KDM7A: variants seen among roughly 807,000 people sequenced by gnomAD.
KDM7A encodes lysine-specific demethylase 7A.
A neutral mutation model predicts 114.8 loss-of-function variants in KDM7A; 28 were observed. The observed-to-expected ratio is 0.24, with a 90% confidence interval of 0.18 to 0.33. The LOEUF (loss-of-function observed/expected upper bound fraction) is 0.33, where lower values mean the gene tolerates loss of function less well. Among genes scored for constraint, KDM7A ranks in the 10% least tolerant of loss-of-function variants. The pLI is 1.00. For missense variants in KDM7A, 942 were observed against 1,142.5 expected, an observed-to-expected ratio of 0.82 and a Z score of 2.53; for synonymous variants, 423 against 397.8, an observed-to-expected ratio of 1.06 and a Z score of -0.75.
rs1431030819 is a variant in KDM7A, at chr7:140,102,058, T to A, written c.1531A>T (p.Met511Leu). 2 of 1,613,728 alleles carry A rather than the reference T, an allele frequency of 1.2e-6. No individual in the cohort carries two copies. The highest frequency in any genetic ancestry group is 2.7e-5 in the African/African-American group (2 of 74,920). ...ACATTATGATCTCGAAGTTTCCTCA[T>A]CTTTCTTCGGGAATGGTATGGGGAA... ...ATSPYHSRRKMRKLRDHNVRT... is the reference protein window; with the variant it reads ...ATSPYHSRRKLRKLRDHNVRT... Residue 511 changes from methionine (M) to leucine (L), a missense_variant, in exon 12 of 20, where the codon ATG becomes TTG. Transcript: ENST00000397560.
chr7:140,102,549 A>G (rs1462858195), intron 11 of KDM7A, among the ~76,000 whole-genome samples: 1 of 152,074 alleles, frequency 6.6e-6, no homozygotes, highest in East Asian at 1.9e-4. Context: ...CACCCAGCTA[A>G]TGTTTTAGAG....
At chr7:140,101,822 G>A in intron 12 of KDM7A, 129 bp downstream of exon 12, 1 of 669,052 alleles carries the variant, frequency 1.5e-6, no homozygotes, top group East Asian at 2.6e-5. Context: ...CATAACTACT[G>A]GTTGATCCCT....
intron 1 of KDM7A, among the ~76,000 whole-genome samples, chr7:140,157,859 C>T (rs1173982484): frequency 1.3e-5 from 2 of 151,424 alleles, no homozygotes; most frequent in Non-Finnish European, 2.9e-5. Context: ...ATCCCAGCTA[C>T]TCGAGAGGCC....
rs1794478113 is a variant in KDM7A, at chr7:140,157,999, A to AAAT, written c.194+18744_194+18745insATT. ...ATAAATAAATAAATAAATAAATAATAATAATAATAATAATAATAATTGAAA... is the reference window on the plus strand; with the variant it reads ...ATAAATAAATAAATAAATAAATAATAAATATAATAATAATAATAATAATTGAAA... On this transcript the variant is annotated intron_variant, in intron 1 of 19. Coordinates refer to ENST00000397560, the MANE Select transcript of KDM7A (RefSeq NM_030647.2). 3.1e-5 allele frequency among the ~76,000 whole-genome samples: 4 copies of AAAT among 130,062 alleles called. No individual in the cohort carries two copies. The South Asian group carries it at 9.4e-4, about 30-fold the overall frequency. 85.3% of individuals were successfully genotyped at this position (130,062 alleles called of 152,430 possible). A position where few individuals can be genotyped will look rare whatever the true frequency, so the allele number is the denominator to read the frequency against.
intron 1 of KDM7A, among the ~76,000 whole-genome samples, chr7:140,172,435 C>T (rs1161834156): frequency 1.3e-5 from 2 of 152,052 alleles, no homozygotes; most frequent in African/African-American, 2.4e-5. Context: ...GGGTGGATCA[C>T]GAGGTCAGGA....
chr7:140,121,497 C>G (rs1307828102), intron 7 of KDM7A, among the ~76,000 whole-genome samples: 2 of 152,190 alleles, frequency 1.3e-5, no homozygotes, highest in African/African-American at 4.8e-5. Context: ...GACCTTGAAA[C>G]CACAAATTAG....
At chr7:140,097,196 A>G (rs1005279071) in intron 15 of KDM7A, 149 bp from the exon 16 acceptor site, 37 of 644,588 alleles carry the variant, frequency 5.7e-5, no homozygotes, top group Admixed American at 4.8e-4. Flanking sequence ...AAAAATGATA[A>G]TCTCTATTAA....
intron 7 of KDM7A, among the ~76,000 whole-genome samples, chr7:140,122,582 C>T (rs1818632802): frequency 6.6e-6 from 1 of 152,196 alleles, no homozygotes; most frequent in East Asian, 1.9e-4. Flanking sequence ...TCAGCAGGAC[C>T]TGCAGGGACA....
intron 1 of KDM7A, among the ~76,000 whole-genome samples, chr7:140,153,611 C>A (rs931795502): frequency 4.6e-5 from 7 of 152,088 alleles, no homozygotes; most frequent in Non-Finnish European, 8.8e-5. Flanking sequence ...ATTAAGAACT[C>A]TCTTACTGTT....
chr7:140,133,683 A>T (rs773578909), intron 2 of KDM7A, 27 bp from the exon 3 acceptor site: 34 of 1,320,826 alleles, frequency 2.6e-5, no homozygotes, highest in Non-Finnish European at 3.4e-5. Context: ...TTAAAAAAAA[A>T]TGATTTTGGT....
intron 1 of KDM7A, among the ~76,000 whole-genome samples, chr7:140,157,822 A>C (rs1331763347): frequency 6.6e-6 from 1 of 151,318 alleles, no homozygotes; most frequent in Non-Finnish European, 1.5e-5. Flanking sequence ...AAAAAAAATT[A>C]GTCAGGTGTG....
chr7:140,140,829 G>A (rs980443820), intron 1 of KDM7A, among the ~76,000 whole-genome samples: 6 of 151,540 alleles, frequency 4.0e-5, no homozygotes, highest in South Asian at 4.2e-4. Context: ...CTGGAGGATC[G>A]AACTGGTACA....
At chr7:140,117,684 A>G (rs1020147356) in intron 9 of KDM7A, among the ~76,000 whole-genome samples, 11 of 152,238 alleles carry the variant, frequency 7.2e-5, no homozygotes, top group Non-Finnish European at 1.6e-4. Context: ...CTGTCTGTCT[A>G]GGCTTGTACT....
Position 140,092,592 on chromosome 7 carries a change from T to C in KDM7A, c.2458-515A>G, listed in dbSNP as rs142422561. On this transcript the variant is annotated intron_variant, in intron 18 of 19. Transcript: ENST00000397560. ...CTTTCAGTCTCTTAAGACTATCGAGTAAACTTTCAGGGGGCAAAAAAAACG... is the reference window on the plus strand; with the variant it reads ...CTTTCAGTCTCTTAAGACTATCGAGCAAACTTTCAGGGGGCAAAAAAAACG... Among the ~76,000 whole-genome samples the C allele has an allele frequency of 3.6e-4, 55 of 152,166 alleles. No homozygotes were observed. The East Asian group carries it at 0.01, about 28-fold the overall frequency.
At chr7:140,092,812 AAAT>A (rs1425433014) in intron 18 of KDM7A, among the ~76,000 whole-genome samples, 1 of 152,244 alleles carries the variant, frequency 6.6e-6, no homozygotes, top group Non-Finnish European at 1.5e-5. Context: ...AGCCAGATTT[AAAT>A]AATAGCTCAA....
intron 9 of KDM7A, among the ~76,000 whole-genome samples, chr7:140,113,785 C>T (rs1818469904): frequency 6.6e-6 from 1 of 151,890 alleles, no homozygotes; most frequent in Admixed American, 6.6e-5. Context: ...CTAAATACTC[C>T]AGTTAAAAGA....
At chr7:140,132,427 T>G (rs1032431118) in intron 3 of KDM7A, among the ~76,000 whole-genome samples, 1 of 152,098 alleles carries the variant, frequency 6.6e-6, no homozygotes, top group Non-Finnish European at 1.5e-5. Context: ...CTCCTCTCCC[T>G]GAGAAATGGA....
intron 1 of KDM7A, among the ~76,000 whole-genome samples, chr7:140,170,853 A>G (rs1369990144): frequency 6.6e-6 from 1 of 152,224 alleles, no homozygotes; most frequent in African/African-American, 2.4e-5. Context: ...CAAAGTCAAC[A>G]TCATACTCAA....
intron 1 of KDM7A, among the ~76,000 whole-genome samples, chr7:140,156,555 G>C (rs1247014568): frequency 2.0e-5 from 3 of 152,216 alleles, no homozygotes; most frequent in Admixed American, 6.5e-5. Flanking sequence ...GACACAGAAA[G>C]GGAGGGAGCC....
Sources: allele counts gnomAD v4.1 joint callset (sites outside exome capture counted in the v4.1 genomes callset), GRCh38; gene constraint gnomAD v4.1.1; transcripts MANE v1.5; gene names NCBI Gene and HGNC (gene_info 2026-07-23, HGNC 2026-07-21).